PDE10A: variants seen among roughly 807,000 people sequenced by gnomAD.
The protein encoded by PDE10A is phosphodiesterase 10A.
A neutral mutation model predicts 97.7 loss-of-function variants in PDE10A; 39 were observed. The ratio of observed to expected loss-of-function variants is 0.40; its 90% CI spans 0.31 to 0.52. The LOEUF (loss-of-function observed/expected upper bound fraction) is 0.52. Ranked by LOEUF, PDE10A falls within the 20% of genes least tolerant of loss-of-function variation. The pLI, the probability that PDE10A is intolerant of heterozygous loss-of-function variation, is 0.56. For synonymous variants in PDE10A, 371 were observed against 376.8 expected (o/e 0.98, Z 0.18); for missense variants, 731 against 1,047.8 (o/e 0.70, Z 4.17).
intron 3 of PDE10A, among the ~76,000 whole-genome samples, chr6:165,461,725 G>C (rs952378944): frequency 6.6e-6 from 1 of 152,196 alleles, no homozygotes; most frequent in Non-Finnish European, 1.5e-5. Flanking sequence ...TCAAATGGCC[G>C]ATCACCTAGT....
At chr6:165,831,618 C>T (rs556734461) in intron 1 of PDE10A, among the ~76,000 whole-genome samples, 32 of 151,182 alleles carry the variant, frequency 2.1e-4, no homozygotes, top group East Asian at 4.0e-4. Context: ...GCTGGGACTA[C>T]GGACTACAGG....
At chr6:165,556,450 G>A (rs1784260445) in intron 1 of PDE10A, among the ~76,000 whole-genome samples, 2 of 152,182 alleles carry the variant, frequency 1.3e-5, no homozygotes, top group African/African-American at 4.8e-5. Flanking sequence ...TTTGTATTGT[G>A]ACATAGTTCA....
chr6:165,468,746 T>C (rs1438830456), intron 3 of PDE10A, among the ~76,000 whole-genome samples: 9 of 152,268 alleles, frequency 5.9e-5, no homozygotes, highest in Non-Finnish European at 5.9e-5. Context: ...CTGATGCCTT[T>C]GTTGCCATCT....
intron 2 of PDE10A, among the ~76,000 whole-genome samples, chr6:165,542,997 G>T (rs1317950733): frequency 1.3e-5 from 2 of 152,076 alleles, no homozygotes; most frequent in East Asian, 3.9e-4. Context: ...CAAATGCCAA[G>T]TCTACAGTGC....
intron 1 of PDE10A, among the ~76,000 whole-genome samples, chr6:165,610,984 T>C (rs941203801): frequency 1.3e-5 from 2 of 151,580 alleles, no homozygotes; most frequent in East Asian, 2.0e-4. Flanking sequence ...ATCGGGAGAG[T>C]TGCGAGTCTA....
At chr6:165,700,613 T>C (rs1303809949) in intron 1 of PDE10A, among the ~76,000 whole-genome samples, 1 of 152,168 alleles carries the variant, frequency 6.6e-6, no homozygotes, top group East Asian at 1.9e-4. Flanking sequence ...GGAAAGGAAA[T>C]TGAAATGCCA....
intron 1 of PDE10A, among the ~76,000 whole-genome samples, chr6:165,927,976 C>T (rs9364826): frequency 0.15 from 23,188 of 150,476 alleles, 2,084 homozygotes; most frequent in East Asian, 0.27. Context: ...GGATTACAGG[C>T]GTGAGCCACC....
chr6:165,791,529 G>C (rs560911761), intron 1 of PDE10A, among the ~76,000 whole-genome samples: 1 of 152,262 alleles, frequency 6.6e-6, no homozygotes, highest in Non-Finnish European at 1.5e-5. Context: ...AAATGCCCCT[G>C]TGTTTTCCAA....
At chr6:165,792,148 G>A (rs754392522) in intron 1 of PDE10A, among the ~76,000 whole-genome samples, 10 of 152,224 alleles carry the variant, frequency 6.6e-5, no homozygotes, top group East Asian at 1.9e-4. Context: ...GCTGCTTCTC[G>A]GGCCTGCAAT....
At chr6:165,474,533 A>G (rs941376532) in intron 3 of PDE10A, among the ~76,000 whole-genome samples, 1 of 152,178 alleles carries the variant, frequency 6.6e-6, no homozygotes, top group African/African-American at 2.4e-5. Context: ...AGTAACTACC[A>G]TCGAGTATTA....
chr6:165,899,132 C>G (rs2500477), intron 1 of PDE10A, among the ~76,000 whole-genome samples: 7,821 of 152,214 alleles, frequency 0.051, 230 homozygotes, highest in Middle Eastern at 0.058. Context: ...ACAATGAGAC[C>G]AGCAACTTTT....
At chr6:165,531,429 A>T (rs1782771286) in intron 2 of PDE10A, among the ~76,000 whole-genome samples, 1 of 151,994 alleles carries the variant, frequency 6.6e-6, no homozygotes, top group East Asian at 1.9e-4. Flanking sequence ...TCAGCTTCTT[A>T]TGTGACAATC....
At chr6:165,678,456 C>T (rs141708637) in intron 1 of PDE10A, among the ~76,000 whole-genome samples, 4 of 151,820 alleles carry the variant, frequency 2.6e-5, no homozygotes, top group Non-Finnish European at 5.9e-5. Flanking sequence ...TTTTAAGAAG[C>T]GATAACATTT....
chr6:165,684,459 C>G (rs962206537), intron 1 of PDE10A, among the ~76,000 whole-genome samples: 6 of 152,248 alleles, frequency 3.9e-5, no homozygotes, highest in African/African-American at 1.4e-4. Flanking sequence ...AAGCCGCCAT[C>G]TCCTGGGTGG....
intron 2 of PDE10A, among the ~76,000 whole-genome samples, chr6:165,505,287 C>T (rs564328872): frequency 4.7e-4 from 71 of 152,162 alleles, no homozygotes; most frequent in African/African-American, 1.7e-3. Flanking sequence ...AAACACATTG[C>T]CTTACAAATT....
chr6:165,398,384 G>A (rs974500914), intron 13 of PDE10A, among the ~76,000 whole-genome samples: 1 of 151,990 alleles, frequency 6.6e-6, no homozygotes, highest in Non-Finnish European at 1.5e-5. Context: ...GGGAGGCTGA[G>A]GCATGAGAAT....
At chr6:165,556,676 T>G (rs1461036298) in intron 1 of PDE10A, among the ~76,000 whole-genome samples, 1 of 152,160 alleles carries the variant, frequency 6.6e-6, no homozygotes, top group Non-Finnish European at 1.5e-5. Context: ...ATTCTGTACC[T>G]CAGCCACAAT....
At chr6:165,455,048 AGCC>A (rs1487791885) in intron 3 of PDE10A, among the ~76,000 whole-genome samples, 1 of 152,190 alleles carries the variant, frequency 6.6e-6, no homozygotes, top group Admixed American at 6.5e-5. Flanking sequence ...AGAGGTCGGC[AGCC>A]ATTTGCCTGG....
At chr6:165,660,491 C>G (rs1427797643) in intron 1 of PDE10A, 1 of 152,350 alleles carries the variant, frequency 6.6e-6, no homozygotes, top group Non-Finnish European at 1.5e-5. Flanking sequence ...GCTGACCACG[C>G]GGCCGCCGTG....
Sources: gnomAD v4.1 joint callset for allele counts (sites outside exome capture counted in the v4.1 genomes callset) on GRCh38, gnomAD v4.1.1 for gene constraint, MANE v1.5 for transcripts, NCBI Gene and HGNC (gene_info 2026-07-23, HGNC 2026-07-21) for gene names.